WDR72: variants seen among roughly 807,000 people sequenced by gnomAD.
WDR72 encodes WD repeat domain 72.
In WDR72, 120 loss-of-function variants were observed where a neutral mutation model predicts 124.2. The observed-to-expected ratio is 0.97, with a 90% CI of 0.83 to 1.12. WDR72 has a LOEUF of 1.12. Ranked by LOEUF, WDR72 falls within the 50% of genes most tolerant of loss-of-function variation. The pLI is 0.00. For missense variants in WDR72, 1,387 were observed against 1,278.8 expected (o/e 1.08, Z -1.29); for synonymous variants, 452 against 441.7 (o/e 1.02, Z -0.29).
At position 53,711,371 on chromosome 15, in the gene WDR72, T is replaced by C. The variant is rs753423818; in HGVS notation, c.822A>G (p.Glu274=). ...IAAHRILIWT[E]DGHSYIYQLL... The stretch of plus-strand genomic sequence containing the variant: ...GCTGATAGATGTAACTGTGACCATC[T>C]TCTGTCCAGATGAGGATTCTGTGAG... Residue 274 remains glutamate, a synonymous_variant, in exon 8 of 20, where the codon GAA becomes GAG. Coordinates refer to ENST00000360509, the MANE Select transcript of WDR72 (RefSeq NM_182758.4). 2 of 1,614,200 alleles carry C rather than the reference T, an allele frequency of 1.2e-6. No individual in the cohort carries two copies. Among genetic ancestry groups the C allele is most frequent in the East Asian group, 2.2e-5 (1 of 44,876 alleles).
intron 13 of WDR72, among the ~76,000 whole-genome samples, chr15:53,683,079 G>T (rs539840320): frequency 6.6e-6 from 1 of 151,794 alleles, no homozygotes; most frequent in Non-Finnish European, 1.5e-5. Flanking sequence ...ATTAGCTCTT[G>T]TGAGAACTCC....
At chr15:53,625,184 C>A (rs796792159) in intron 14 of WDR72, among the ~76,000 whole-genome samples, 58 of 152,260 alleles carry the variant, frequency 3.8e-4, no homozygotes, top group African/African-American at 1.3e-3. Context: ...AAGTCTAGAA[C>A]AAGTAATTAA....
intron 8 of WDR72, 85 bp downstream of exon 8, chr15:53,711,251 A>C: frequency 1.3e-4 from 188 of 1,474,200 alleles, no homozygotes; most frequent in Non-Finnish European, 1.6e-4. Context: ...GATCATGGGC[A>C]GCATGCAGGG....
At chr15:53,546,172 C>T (rs1347764250) in intron 18 of WDR72, among the ~76,000 whole-genome samples, 1 of 145,596 alleles carries the variant, frequency 6.9e-6, no homozygotes, top group East Asian at 2.0e-4. Context: ...GGGTATATAC[C>T]CAAAGGACTA....
intron 18 of WDR72, among the ~76,000 whole-genome samples, chr15:53,565,021 G>A (rs1437737753): frequency 6.6e-6 from 1 of 151,868 alleles, no homozygotes; most frequent in Non-Finnish European, 1.5e-5. Flanking sequence ...AAAGGAATTA[G>A]AGCTGGGTGC....
intron 14 of WDR72, among the ~76,000 whole-genome samples, chr15:53,662,172 T>C (rs990051711): frequency 1.3e-5 from 2 of 152,168 alleles, no homozygotes; most frequent in African/African-American, 4.8e-5. Flanking sequence ...TATCCTTAGA[T>C]AAATCTAAGA....
chr15:53,735,013 G>C (rs2018310856), intron 1 of WDR72, among the ~76,000 whole-genome samples: 1 of 151,910 alleles, frequency 6.6e-6, no homozygotes, highest in Non-Finnish European at 1.5e-5. Context: ...AGTGTTAATG[G>C]CTAGGCGCAG....
chr15:53,519,324 A>ATCTT (rs1490671555), intron 19 of WDR72, among the ~76,000 whole-genome samples: 1 of 152,142 alleles, frequency 6.6e-6, no homozygotes, highest in African/African-American at 2.4e-5. Context: ...TTGTGATAAC[A>ATCTT]TCTTTCAGAT....
At chr15:53,697,901 C>A (rs1301139924) in intron 13 of WDR72, among the ~76,000 whole-genome samples, 1 of 152,060 alleles carries the variant, frequency 6.6e-6, no homozygotes, top group Non-Finnish European at 1.5e-5. Flanking sequence ...CTCCGCCTCC[C>A]GGGTTCACGC....
chr15:53,674,860 G>C (rs2016111842), intron 13 of WDR72, among the ~76,000 whole-genome samples: 1 of 151,842 alleles, frequency 6.6e-6, no homozygotes, highest in African/African-American at 2.4e-5. Context: ...TTATCAGCTG[G>C]GCCACATTCA....
At chr15:53,546,918 C>T (rs1417794039) in intron 18 of WDR72, among the ~76,000 whole-genome samples, 2 of 152,070 alleles carry the variant, frequency 1.3e-5, no homozygotes, top group African/African-American at 2.4e-5. Flanking sequence ...CTCTGGAAAA[C>T]TTGGTAGTGA....
At position 53,682,566 on chromosome 15, in the gene WDR72, A is replaced by C. The variant is rs1039489489; in HGVS notation, c.1766-16798T>G. Among the ~76,000 whole-genome samples, 3 of 152,056 alleles carry C rather than the reference A, an allele frequency of 2.0e-5. 1 individual carries two copies. The highest frequency in any genetic ancestry group is 4.4e-5 in the Non-Finnish European group (3 of 68,010). ...GATGCATAAAACTGAATGTTTTCAG[A>C]ATAATCCAGGTCACCTCTTGAATGC... is the stretch of plus-strand genomic sequence containing the variant. On this transcript the variant is annotated intron_variant, in intron 13 of 19. Coordinates refer to ENST00000360509, the MANE Select transcript of WDR72 (RefSeq NM_182758.4).
At chr15:53,663,288 G>A (rs1415448075) in intron 14 of WDR72, among the ~76,000 whole-genome samples, 1 of 151,904 alleles carries the variant, frequency 6.6e-6, no homozygotes. Context: ...ATAGTATGTA[G>A]GACAAAGAAG....
intron 18 of WDR72, among the ~76,000 whole-genome samples, chr15:53,587,505 A>G (rs2012277607): frequency 6.6e-6 from 1 of 151,960 alleles, no homozygotes; most frequent in Admixed American, 6.6e-5. Flanking sequence ...TGCACATAAT[A>G]CTTTACTATA....
At chr15:53,526,456 C>A (rs1453588336) in intron 18 of WDR72, among the ~76,000 whole-genome samples, 1 of 152,048 alleles carries the variant, frequency 6.6e-6, no homozygotes, top group Non-Finnish European at 1.5e-5. Context: ...CTGCTGCCTA[C>A]TTTGGTATGT....
chr15:53,685,909 C>T (rs2016604266), intron 13 of WDR72, among the ~76,000 whole-genome samples: 1 of 131,164 alleles, frequency 7.6e-6, no homozygotes, highest in African/African-American at 3.0e-5. Flanking sequence ...CAATATTCAA[C>T]ATTCTTAAAG....
chr15:53,529,230 G>C (rs1434719539), intron 18 of WDR72, among the ~76,000 whole-genome samples: 1 of 146,774 alleles, frequency 6.8e-6, no homozygotes, highest in African/African-American at 2.5e-5. Context: ...TGAGTTCCCA[G>C]AGAGGGAATG....
chr15:53,538,864 T>G (rs959683800), intron 18 of WDR72, among the ~76,000 whole-genome samples: 1 of 152,256 alleles, frequency 6.6e-6, no homozygotes, highest in East Asian at 1.9e-4. Context: ...TCATGACTGG[T>G]CTCAGTAAGT....
chr15:53,636,915 T>C (rs1360457064), intron 14 of WDR72, among the ~76,000 whole-genome samples: 1 of 152,210 alleles, frequency 6.6e-6, no homozygotes, highest in Non-Finnish European at 1.5e-5. Context: ...TTGTGTTTAA[T>C]TAAATGATTT....
Sources: gnomAD v4.1 joint callset for allele counts (sites outside exome capture counted in the v4.1 genomes callset) on GRCh38, gnomAD v4.1.1 for gene constraint, MANE v1.5 for transcripts, NCBI Gene and HGNC (gene_info 2026-07-23, HGNC 2026-07-21) for gene names.